The following CHST11 variants were observed in gnomAD, a reference collection of about 807,000 sequenced individuals.
The protein encoded by CHST11 is C4S-1.
A neutral mutation model predicts 30.4 loss-of-function variants in CHST11; 9 were observed. The observed-to-expected ratio is 0.30, with a 90% confidence interval of 0.18 to 0.52. The LOEUF (loss-of-function observed/expected upper bound fraction) is 0.52. Ranked by LOEUF, CHST11 falls within the 20% of genes least tolerant of loss-of-function variation. The pLI is 0.97. For missense variants in CHST11, 348 were observed against 460.6 expected (o/e 0.76, Z 2.24); for synonymous variants, 152 against 187.8 (o/e 0.81, Z 1.56).
At position 104,676,424 on chromosome 12, in the gene CHST11, CT is replaced by C. The variant is rs2039743869; in HGVS notation, c.204+74437del. Among the ~76,000 whole-genome samples the C allele has an allele frequency of 6.6e-6, 1 of 152,122 alleles. No individual in the cohort carries two copies. The highest frequency in any genetic ancestry group is 6.5e-5 in the Admixed American group (1 of 15,272). ...TTTTCTGACTCCGAGTCACTGCCTC[CT>C]TTTCTTTTGAGACAGAGTCTCGCTC... On this transcript the variant is annotated intron_variant, in intron 2 of 2. Coordinates refer to ENST00000303694, the MANE Select transcript of CHST11 (RefSeq NM_018413.6). This position sits in a 1 kb window ranked among gnomAD's most constrained non-coding sequence, Gnocchi z 4.4.
At chr12:104,686,859 G>A (rs1348624119) in intron 2 of CHST11, among the ~76,000 whole-genome samples, 1 of 152,124 alleles carries the variant, frequency 6.6e-6, no homozygotes, top group Non-Finnish European at 1.5e-5. Context: ...CGTTGGTCAG[G>A]CTGGTCTCAA....
chr12:104,468,819 G>A (rs1204323619), intron 1 of CHST11, among the ~76,000 whole-genome samples: 1 of 152,194 alleles, frequency 6.6e-6, no homozygotes, highest in Non-Finnish European at 1.5e-5. Context: ...CATTTGCCAA[G>A]TGAAGGTAGT....
intron 2 of CHST11, among the ~76,000 whole-genome samples, chr12:104,602,751 C>A (rs985403302): frequency 2.0e-5 from 3 of 152,164 alleles, no homozygotes; most frequent in African/African-American, 7.2e-5. Context: ...ATCAGTGGAC[C>A]TTCGATAGCC....
chr12:104,612,812 C>G (rs1444249709), intron 2 of CHST11, among the ~76,000 whole-genome samples: 2 of 152,156 alleles, frequency 1.3e-5, no homozygotes, highest in Admixed American at 6.5e-5. Context: ...ACAGAACTAC[C>G]ATATGATCCA....
intron 1 of CHST11, among the ~76,000 whole-genome samples, chr12:104,525,433 G>C (rs1379539880): frequency 6.6e-6 from 1 of 152,162 alleles, no homozygotes; most frequent in Non-Finnish European, 1.5e-5. Context: ...TTTTGAATTA[G>C]CATGAGGACA....
At chr12:104,482,408 G>T (rs754871876) in intron 1 of CHST11, among the ~76,000 whole-genome samples, 16 of 151,680 alleles carry the variant, frequency 1.1e-4, no homozygotes, top group Non-Finnish European at 2.1e-4. Flanking sequence ...CTTCTTTTAA[G>T]TTTAGGCACA....
At chr12:104,509,300 C>T (rs2037939299) in intron 1 of CHST11, among the ~76,000 whole-genome samples, 1 of 152,196 alleles carries the variant, frequency 6.6e-6, no homozygotes. Flanking sequence ...TGTGAGGTTT[C>T]CCCAGCCATG....
At chr12:104,695,438 A>G (rs1196459889) in intron 2 of CHST11, among the ~76,000 whole-genome samples, 2 of 125,024 alleles carry the variant, frequency 1.6e-5, no homozygotes, top group Non-Finnish European at 3.5e-5. Flanking sequence ...ACAATTCACA[A>G]CACAATGAGT....
rs578095693 is a variant in CHST11 at position 104,586,912 on chromosome 12, A to G, written c.119-14994A>G. 4.6e-5 allele frequency among the ~76,000 whole-genome samples: 7 copies of G among 152,340 alleles called. No homozygotes were observed. The South Asian group carries it at 1.2e-3, about 27-fold the overall frequency. On this transcript the variant is annotated intron_variant, in intron 1 of 2. Transcript: ENST00000303694. ...GAGGACTTCCCCAGGTTAACTGCCA[A>G]TATCAATTCCTTGAACTGCGTTTTT... is the stretch of plus-strand genomic sequence containing the variant.
At chr12:104,466,134 A>G (rs912645717) in intron 1 of CHST11, among the ~76,000 whole-genome samples, 1 of 152,200 alleles carries the variant, frequency 6.6e-6, no homozygotes, top group East Asian at 1.9e-4. Context: ...TGCTAGGATT[A>G]CAGGCATAAG....
intron 1 of CHST11, among the ~76,000 whole-genome samples, chr12:104,594,578 C>T (rs1241536402): frequency 6.6e-6 from 1 of 151,950 alleles, no homozygotes; most frequent in Non-Finnish European, 1.5e-5. Flanking sequence ...TTTGCTTTTT[C>T]TTCTCTTTCC....
chr12:104,544,696 G>T (rs1631471), intron 1 of CHST11, among the ~76,000 whole-genome samples: 69,843 of 132,936 alleles, frequency 0.53, 19,279 homozygotes, highest in East Asian at 0.97. Flanking sequence ...GACAGAGGGA[G>T]ACTTGGTCTA....
At position 104,758,610 on chromosome 12, in the gene CHST11, A is replaced by G. The variant is rs540104380; in HGVS notation, c.*807A>G. Reference sequence around the variant, plus strand: ...TGAAGATAGAGCGTTGAACAAACCCAATAGTCTTGGCCCTCAAAAAGCTTT... The same window carrying G: ...TGAAGATAGAGCGTTGAACAAACCCGATAGTCTTGGCCCTCAAAAAGCTTT... On this transcript the variant is annotated 3_prime_UTR_variant, in exon 3 of 3. Coordinates refer to ENST00000303694, the MANE Select transcript of CHST11 (RefSeq NM_018413.6). The G allele has an allele frequency of 6.6e-6, 1 of 152,310 alleles. No individual in the cohort carries two copies. Among genetic ancestry groups the G allele is most frequent in the African/African-American group, 2.4e-5 (1 of 41,566 alleles). 9.4% of individuals were successfully genotyped at this position (152,310 alleles called of 1,614,324 possible). A position where few individuals can be genotyped will look rare whatever the true frequency, so the allele number is the denominator to read the frequency against.
chr12:104,526,560 G>A (rs1284966766), intron 1 of CHST11, among the ~76,000 whole-genome samples: 1 of 152,150 alleles, frequency 6.6e-6, no homozygotes, highest in Non-Finnish European at 1.5e-5. Context: ...TCCTGCTGGG[G>A]CTTTATTTGT....
intron 1 of CHST11, among the ~76,000 whole-genome samples, chr12:104,573,891 A>G (rs977630742): frequency 3.3e-5 from 5 of 152,268 alleles, no homozygotes; most frequent in African/African-American, 1.2e-4. Flanking sequence ...CCTTCTGCAC[A>G]GCAAAAGAAA....
At position 104,758,460 on chromosome 12, in the gene CHST11, A is replaced by C. The variant is rs1340758651; in HGVS notation, c.*657A>C. 1 of 152,206 alleles carries C rather than the reference A, an allele frequency of 6.6e-6. No homozygotes were observed. The allele number at this position is 152,206 out of a possible 1,614,324, so 9.4% of individuals were successfully genotyped here. A position where few individuals can be genotyped will look rare whatever the true frequency, so the allele number is the denominator to read the frequency against. The stretch of plus-strand genomic sequence containing the variant: ...GTAACAATTTTTCACCAGAATTAGC[A>C]ATCTGATAGAATAGGCTTTTTTAAC... On this transcript the variant is annotated 3_prime_UTR_variant, in exon 3 of 3. Transcript: ENST00000303694.
rs1276216993 is a variant in CHST11 at position 104,573,035 on chromosome 12, T to C, written c.119-28871T>C. Among the ~76,000 whole-genome samples the C allele has an allele frequency of 2.0e-5, 3 of 152,230 alleles. No individual in the cohort carries two copies. The East Asian group carries it at 5.8e-4, about 29-fold the overall frequency. ...GCAAAGTCTCAGGATACAAAATCAA[T>C]GTGCAAAAATCACAAGCATTCTTAT... On this transcript the variant is annotated intron_variant, in intron 1 of 2. Transcript: ENST00000303694.
chr12:104,595,173 A>G (rs143051560), intron 1 of CHST11, among the ~76,000 whole-genome samples: 36 of 152,236 alleles, frequency 2.4e-4, no homozygotes, highest in Non-Finnish European at 4.3e-4. Flanking sequence ...CCTGTGGCCC[A>G]TGCCCCACTG....
intron 2 of CHST11, among the ~76,000 whole-genome samples, chr12:104,686,230 CTT>C: frequency 1.1e-4 from 3 of 28,062 alleles, no homozygotes; most frequent in Non-Finnish European, 3.2e-4. Flanking sequence ...GAACTCACCT[CTT>C]AAAAAAAAAA....
Sources: gnomAD v4.1 joint callset for allele counts (sites outside exome capture counted in the v4.1 genomes callset) on GRCh38, gnomAD v4.1.1 for gene constraint, Gnocchi (gnomAD v3.1) non-coding constraint, MANE v1.5 for transcripts, NCBI Gene and HGNC (gene_info 2026-07-23, HGNC 2026-07-21) for gene names.